The following SAMD5 variants were observed in gnomAD, a reference collection of about 807,000 sequenced individuals.
The protein encoded by SAMD5 is sterile alpha motif domain containing 5.
SAMD5 carries 13 observed loss-of-function variants against 11.3 expected under a neutral mutation model. That is an observed-to-expected ratio of 1.15 (90% CI 0.75 to 1.83). The LOEUF (loss-of-function observed/expected upper bound fraction) is 1.83, where lower values mean the gene tolerates loss of function less well. SAMD5 is among the 40% of genes most tolerant of loss of function. The pLI, the probability that SAMD5 is intolerant of heterozygous loss-of-function variation, is 0.00. For missense variants in SAMD5, 255 were observed against 239.1 expected (o/e 1.07, Z -0.44); for synonymous variants, 129 against 111.3 (o/e 1.16, Z -1.00).
chr6:147,839,100 A>G, the SAMD5 span, among the ~76,000 whole-genome samples: 200 of 152,284 alleles, frequency 1.3e-3, 1 homozygote, highest in African/African-American at 4.7e-3. Flanking sequence ...ACTGACTTCC[A>G]CCTATGAACC....
At chr6:147,839,484 C>T in the SAMD5 span, among the ~76,000 whole-genome samples, 1 of 152,186 alleles carries the variant, frequency 6.6e-6, no homozygotes, top group Admixed American at 6.5e-5. Context: ...CGCAATGGCT[C>T]ATGCCTGTAA....
intron 1 of SAMD5, among the ~76,000 whole-genome samples, chr6:147,561,354 A>C (rs1788947147): frequency 2.0e-5 from 3 of 152,008 alleles, no homozygotes; most frequent in Non-Finnish European, 4.4e-5. Flanking sequence ...CGCCCAGCTA[A>C]TTTTTGTATT....
intron 1 of SAMD5, among the ~76,000 whole-genome samples, chr6:147,587,441 C>T (rs1329041792): frequency 6.6e-6 from 1 of 152,006 alleles, no homozygotes; most frequent in Non-Finnish European, 1.5e-5. Flanking sequence ...TTCATCATGA[C>T]AGCCAGGTTG....
chr6:147,583,818 A>AACACACACACACAC (rs3032052), intron 1 of SAMD5, among the ~76,000 whole-genome samples: 6,426 of 149,398 alleles, frequency 0.043, 166 homozygotes, highest in Middle Eastern at 0.068. Context: ...GGAATTTTCA[A>AACACACACACACAC]ACACACACAC....
intron 1 of SAMD5, among the ~76,000 whole-genome samples, chr6:147,528,661 C>T (rs1788382511): frequency 6.6e-6 from 1 of 152,118 alleles, no homozygotes; most frequent in African/African-American, 2.4e-5. Context: ...GTTATGTTGT[C>T]AGTGGTTAAG....
chr6:147,629,028 C>T (rs958439000), intron 1 of SAMD5, among the ~76,000 whole-genome samples: 12 of 152,182 alleles, frequency 7.9e-5, no homozygotes, highest in African/African-American at 2.2e-4. Flanking sequence ...CAGTGGCTCA[C>T]GCGTGTAATC....
At chr6:147,521,404 C>G (rs1186599410) in intron 1 of SAMD5, among the ~76,000 whole-genome samples, 1 of 151,974 alleles carries the variant, frequency 6.6e-6, no homozygotes, top group Non-Finnish European at 1.5e-5. Flanking sequence ...ATGTAACTTA[C>G]CACATAATTT....
chr6:147,672,699 AT>A (rs200820736), intron 1 of SAMD5, among the ~76,000 whole-genome samples: 3 of 151,408 alleles, frequency 2.0e-5, no homozygotes, highest in Non-Finnish European at 4.4e-5. Context: ...ACTTTAAGCA[AT>A]TTTTTTTGTT....
At chr6:147,914,974 A>G in the SAMD5 span, among the ~76,000 whole-genome samples, 1 of 152,186 alleles carries the variant, frequency 6.6e-6, no homozygotes, top group African/African-American at 2.4e-5. Context: ...AAAAATAAAT[A>G]CTGAGAATCT....
intron 1 of SAMD5, among the ~76,000 whole-genome samples, chr6:147,536,409 T>C (rs574740059): frequency 6.6e-6 from 1 of 152,354 alleles, no homozygotes; most frequent in East Asian, 1.9e-4. Flanking sequence ...AAGTTTTGTT[T>C]ACAGGAGCAT....
the SAMD5 span, among the ~76,000 whole-genome samples, chr6:147,898,229 A>C: frequency 8.5e-5 from 13 of 152,236 alleles, no homozygotes; most frequent in Admixed American, 3.9e-4. Context: ...TGCCAAGAAG[A>C]CTCAGTACTC....
the SAMD5 span, among the ~76,000 whole-genome samples, chr6:147,852,270 A>G: frequency 6.6e-6 from 1 of 152,158 alleles, no homozygotes; most frequent in Non-Finnish European, 1.5e-5. Flanking sequence ...TATATACTAC[A>G]TATGGATACC....
the SAMD5 span, among the ~76,000 whole-genome samples, chr6:147,872,448 C>T: frequency 2.5e-4 from 38 of 151,866 alleles, no homozygotes; most frequent in African/African-American, 7.2e-4. Context: ...TATTGTTAAG[C>T]GCTTTGCCTG....
At chr6:147,730,307 C>T (rs1448244753) in intron 1 of SAMD5, 4 of 320,784 alleles carry the variant, frequency 1.2e-5, no homozygotes, top group Middle Eastern at 4.6e-4. Flanking sequence ...GGACTAAACA[C>T]AGACTAAAGA....
intron 1 of SAMD5, among the ~76,000 whole-genome samples, chr6:147,630,050 A>G (rs77931755): frequency 0.086 from 13,016 of 151,308 alleles, 830 homozygotes; most frequent in East Asian, 0.25. Flanking sequence ...CCCAGGTTCA[A>G]GCAATTCTCC....
the SAMD5 span, among the ~76,000 whole-genome samples, chr6:147,897,943 T>TAAAAAAAAAA: frequency 1.5e-4 from 13 of 89,598 alleles, no homozygotes; most frequent in South Asian, 4.0e-4. Flanking sequence ...AGATTTTTCT[T>TAAAAAAAAAA]AAAAAAAAAA....
At chr6:147,659,177 T>C (rs1318334949) in intron 1 of SAMD5, among the ~76,000 whole-genome samples, 1 of 152,234 alleles carries the variant, frequency 6.6e-6, no homozygotes, top group Non-Finnish European at 1.5e-5. Context: ...CTGTGAGTTG[T>C]TAATAGGTTA....
Position 147,664,898 on chromosome 6 carries a change from T to C in SAMD5, c.163-72419T>C, listed in dbSNP as rs1156532306. 2.0e-5 allele frequency among the ~76,000 whole-genome samples: 3 copies of C among 152,166 alleles called. No homozygotes were observed. In the East Asian group the frequency reaches 5.8e-4, roughly 29 times the overall value. ...TGCTTTTTGCTGCTGCTTTGAATACTGTTGTTATTTTTTTTTCCTTTGTTC... is the reference window on the plus strand; with the variant it reads ...TGCTTTTTGCTGCTGCTTTGAATACCGTTGTTATTTTTTTTTCCTTTGTTC... On this transcript the variant is annotated intron_variant, in intron 1 of 1. Coordinates refer to the SAMD5 transcript ENST00000566741.
the SAMD5 span, among the ~76,000 whole-genome samples, chr6:147,766,449 T>C: frequency 6.6e-6 from 1 of 152,136 alleles, no homozygotes; most frequent in Non-Finnish European, 1.5e-5. Flanking sequence ...CAAGAGAAAA[T>C]GAGCCATTCA....
Sources: gnomAD v4.1 joint callset for allele counts (sites outside exome capture counted in the v4.1 genomes callset) on GRCh38, gnomAD v4.1.1 for gene constraint, MANE v1.5 for transcripts, NCBI Gene and HGNC (gene_info 2026-07-23, HGNC 2026-07-21) for gene names.